Variants in MIPOL1 observed in about 807,000 individuals in gnomAD.
The protein encoded by MIPOL1 is mirror-image polydactyly 1.
Under a neutral mutation model 60.9 loss-of-function variants are expected in MIPOL1, and 57 were observed. The observed-to-expected ratio is 0.94, with a 90% CI of 0.76 to 1.17. The LOEUF is 1.17. Ranked by LOEUF, MIPOL1 falls within the 50% of genes most tolerant of loss-of-function variation. The pLI is 0.00. For synonymous variants in MIPOL1, 179 were observed against 168.8 expected, an observed-to-expected ratio of 1.06 and a Z score of -0.47; for missense variants, 551 against 511.6, an observed-to-expected ratio of 1.08 and a Z score of -0.74.
At chr14:37,282,968 T>C (rs1043838489) in intron 6 of MIPOL1, among the ~76,000 whole-genome samples, 15 of 152,278 alleles carry the variant, frequency 9.9e-5, no homozygotes, top group Non-Finnish European at 1.5e-4. Flanking sequence ...TTTCAGACTA[T>C]GAATAACTGA....
At chr14:37,238,051 T>C (rs1225332703) in intron 1 of MIPOL1, among the ~76,000 whole-genome samples, 3 of 152,184 alleles carry the variant, frequency 2.0e-5, no homozygotes, top group African/African-American at 7.2e-5. Context: ...ATTGTAACCT[T>C]GAACTCTTGG....
chr14:37,413,833 T>C (rs2093719197), intron 10 of MIPOL1, among the ~76,000 whole-genome samples: 1 of 152,150 alleles, frequency 6.6e-6, no homozygotes, highest in Admixed American at 6.5e-5. Context: ...GGCTGTTTTA[T>C]CCCATAAACG....
chr14:37,393,732 A>G (rs2093307045), intron 10 of MIPOL1, among the ~76,000 whole-genome samples: 1 of 151,240 alleles, frequency 6.6e-6, no homozygotes, highest in South Asian at 2.1e-4. Context: ...TTTGGGGTAC[A>G]GGTGGTATTT....
intron 10 of MIPOL1, among the ~76,000 whole-genome samples, chr14:37,415,335 GATT>G (rs1209645832): frequency 6.6e-6 from 1 of 151,932 alleles, no homozygotes; most frequent in Non-Finnish European, 1.5e-5. Flanking sequence ...AATTAGCACA[GATT>G]TTGGCCGGGC....
intron 1 of MIPOL1, among the ~76,000 whole-genome samples, chr14:37,216,687 C>G: frequency 6.6e-6 from 1 of 152,106 alleles, no homozygotes; most frequent in East Asian, 1.9e-4. Flanking sequence ...GAATAACCAG[C>G]TGGTCAATGA....
intron 12 of MIPOL1, among the ~76,000 whole-genome samples, chr14:37,536,602 G>T (rs2095507405): frequency 6.6e-6 from 1 of 152,120 alleles, no homozygotes; most frequent in Non-Finnish European, 1.5e-5. Flanking sequence ...GTACATTTCT[G>T]CTAAGCATTG....
At chr14:37,302,315 T>A (rs1025542934) in intron 7 of MIPOL1, among the ~76,000 whole-genome samples, 4 of 144,330 alleles carry the variant, frequency 2.8e-5, no homozygotes, top group African/African-American at 1.0e-4. Context: ...CTAACAGGTG[T>A]GTAGTAGTAT....
intron 9 of MIPOL1, among the ~76,000 whole-genome samples, chr14:37,363,136 C>G (rs532927981): frequency 6.6e-6 from 1 of 152,134 alleles, no homozygotes; most frequent in Admixed American, 6.5e-5. Flanking sequence ...CATTCTGCAT[C>G]TAGCTTTGTT....
chr14:37,521,910 A>ATATTT (rs572835469), intron 12 of MIPOL1, among the ~76,000 whole-genome samples: 49 of 132,772 alleles, frequency 3.7e-4, no homozygotes, highest in East Asian at 2.7e-3. Context: ...ATATATATAT[A>ATATTT]TTTTTTTTTT....
chr14:37,453,788 C>T (rs1451485424), intron 11 of MIPOL1, among the ~76,000 whole-genome samples: 3 of 152,166 alleles, frequency 2.0e-5, no homozygotes, highest in African/African-American at 4.8e-5. Context: ...ACCAAAGCAT[C>T]CTAATCAAAA....
At chr14:37,438,360 A>G (rs937543661) in intron 11 of MIPOL1, among the ~76,000 whole-genome samples, 5 of 152,198 alleles carry the variant, frequency 3.3e-5, no homozygotes, top group South Asian at 2.1e-4. Flanking sequence ...AGTTCAATAC[A>G]TATGTTATCT....
intron 3 of MIPOL1, among the ~76,000 whole-genome samples, chr14:37,258,226 TTTG>T (rs1975286038): frequency 6.6e-6 from 1 of 152,114 alleles, no homozygotes; most frequent in African/African-American, 2.4e-5. Flanking sequence ...ATAAAGAAAG[TTTG>T]TTTTTTCCTC....
chr14:37,373,274 A>G (rs1208976665), intron 10 of MIPOL1, among the ~76,000 whole-genome samples: 1 of 152,168 alleles, frequency 6.6e-6, no homozygotes, highest in Non-Finnish European at 1.5e-5. Context: ...AAGTGCTGGG[A>G]TTACAGGCAT....
chr14:37,347,968 A>G (rs1272600215), intron 9 of MIPOL1, among the ~76,000 whole-genome samples: 1 of 152,160 alleles, frequency 6.6e-6, no homozygotes, highest in Non-Finnish European at 1.5e-5. Context: ...ACATGGGTAT[A>G]CTGCGTGATA....
chr14:37,458,447 A>T (rs2094501335), intron 11 of MIPOL1, among the ~76,000 whole-genome samples: 1 of 152,188 alleles, frequency 6.6e-6, no homozygotes, highest in Non-Finnish European at 1.5e-5. Context: ...AATTCAACAG[A>T]ATGGACATCA....
chr14:37,235,130 A>G (rs1205956413), intron 1 of MIPOL1, among the ~76,000 whole-genome samples: 1 of 151,766 alleles, frequency 6.6e-6, no homozygotes, highest in Non-Finnish European at 1.5e-5. Flanking sequence ...ACTTTTTTTC[A>G]TGATGCCCTT....
At position 37,500,017 on chromosome 14, in the gene MIPOL1, C is replaced by T. The variant is rs990342091; in HGVS notation, c.1141C>T (p.Gln381Ter). ...CAGAGAGAACATTGTTTCCATCACTCAACAACAAAATGAGGAACTGGCTAC... is the reference window on the plus strand; with the variant it reads ...CAGAGAGAACATTGTTTCCATCACTTAACAACAAAATGAGGAACTGGCTAC... Reference protein sequence around the residue: ...KNRENIVSITQQQNEELATQL... With the variant: ...KNRENIVSIT The change falls in exon 12 of 13, where the codon CAA becomes TAA. Residue 381 changes from glutamine to a stop codon, truncating the protein, a stop_gained. Coordinates refer to ENST00000684589, the MANE Select transcript of MIPOL1 (RefSeq NM_001388067.1). LOFTEE classifies it high-confidence loss of function. 1 of 1,613,642 alleles carries T rather than the reference C, an allele frequency of 6.2e-7. No homozygotes were observed.
intron 11 of MIPOL1, among the ~76,000 whole-genome samples, chr14:37,492,453 A>C (rs1246177269): frequency 6.6e-6 from 1 of 152,198 alleles, no homozygotes. Flanking sequence ...TTTATAAAAT[A>C]CTTGAGTATT....
chr14:37,403,273 A>C (rs1157569936), intron 10 of MIPOL1, among the ~76,000 whole-genome samples: 1 of 152,080 alleles, frequency 6.6e-6, no homozygotes, highest in East Asian at 1.9e-4. Context: ...AGAATCTTAA[A>C]TATTACAAAT....
Sources: gnomAD v4.1 joint callset for allele counts (sites outside exome capture counted in the v4.1 genomes callset) on GRCh38, gnomAD v4.1.1 for gene constraint, MANE v1.5 for transcripts, NCBI Gene and HGNC (gene_info 2026-07-23, HGNC 2026-07-21) for gene names.